Variants in GABRA4 observed in about 807,000 individuals in gnomAD.
GABRA4 encodes gamma-aminobutyric acid type A receptor subunit alpha4.
Under a neutral mutation model 49.7 loss-of-function variants are expected in GABRA4, and 12 were observed. The ratio of observed to expected loss-of-function variants is 0.24; its 90% CI spans 0.15 to 0.39. The LOEUF is 0.39. GABRA4 is among the 10% of genes least tolerant of loss of function. GABRA4 has a pLI of 1.00. For synonymous variants in GABRA4, 288 were observed against 240.2 expected, an observed-to-expected ratio of 1.20 and a Z score of -1.84; for missense variants, 506 against 686.0, an observed-to-expected ratio of 0.74 and a Z score of 2.93.
chr4:46,970,849 C>A (rs1210905672), intron 7 of GABRA4, among the ~76,000 whole-genome samples: 1 of 151,502 alleles, frequency 6.6e-6, no homozygotes, highest in Non-Finnish European at 1.5e-5. Flanking sequence ...TTGGTCTATG[C>A]CTGTCTGGTT....
chr4:46,985,316 A>G (rs1214560439), intron 2 of GABRA4, among the ~76,000 whole-genome samples: 1 of 152,050 alleles, frequency 6.6e-6, no homozygotes, highest in Admixed American at 6.6e-5. Flanking sequence ...ACAGGAAGAT[A>G]GGATGGAGGA....
At chr4:46,956,714 C>T (rs909383759) in intron 8 of GABRA4, among the ~76,000 whole-genome samples, 3 of 151,954 alleles carry the variant, frequency 2.0e-5, no homozygotes, top group Admixed American at 1.3e-4. Flanking sequence ...GCCTTATGCT[C>T]ACATTTATTT....
chr4:46,992,366 G>A (rs974117417), intron 2 of GABRA4, among the ~76,000 whole-genome samples: 7 of 152,220 alleles, frequency 4.6e-5, no homozygotes, highest in African/African-American at 1.7e-4. Flanking sequence ...GCAGCTTCAT[G>A]CCCCAGATTT....
At chr4:46,934,934 C>T (rs1018490665) in intron 8 of GABRA4, among the ~76,000 whole-genome samples, 5 of 152,106 alleles carry the variant, frequency 3.3e-5, no homozygotes, top group African/African-American at 4.8e-5. Context: ...TCATCAATGC[C>T]GCCAACATAA....
chr4:46,933,077 GA>G (rs966321408), intron 8 of GABRA4, among the ~76,000 whole-genome samples: 11 of 152,052 alleles, frequency 7.2e-5, no homozygotes, highest in African/African-American at 2.4e-4. Context: ...TGAAGTAAGA[GA>G]CTTTTTGAGA....
intron 7 of GABRA4, among the ~76,000 whole-genome samples, chr4:46,966,901 C>A (rs1458262929): frequency 1.3e-5 from 2 of 151,658 alleles, no homozygotes; most frequent in Non-Finnish European, 3.0e-5. Context: ...ATATAAATAT[C>A]TGCATATCTA....
chr4:46,940,863 G>A (rs116897223), intron 8 of GABRA4, among the ~76,000 whole-genome samples: 1 of 152,168 alleles, frequency 6.6e-6, no homozygotes, highest in East Asian at 1.9e-4. Context: ...AACATTCAAC[G>A]TTTAACAAGG....
chr4:46,941,157 C>G (rs1721773488), intron 8 of GABRA4, among the ~76,000 whole-genome samples: 1 of 151,502 alleles, frequency 6.6e-6, no homozygotes, highest in Non-Finnish European at 1.5e-5. Flanking sequence ...ACTAGAAGAC[C>G]CAAATATCTA....
intron 8 of GABRA4, among the ~76,000 whole-genome samples, chr4:46,952,929 T>C (rs1455146533): frequency 6.6e-6 from 1 of 152,116 alleles, no homozygotes; most frequent in Non-Finnish European, 1.5e-5. Flanking sequence ...TTTTCATATA[T>C]TGCTATCACC....
In GABRA4 at chr4:46,925,102, T is replaced by C. The variant is rs973484057; in HGVS notation, c.*3123A>G. 3 of 151,958 alleles carry C rather than the reference T, an allele frequency of 2.0e-5. No homozygotes were observed. The highest frequency in any genetic ancestry group is 7.2e-5 in the African/African-American group (3 of 41,422). The allele number at this position is 151,958 out of a possible 1,614,324, so 9.4% of individuals were successfully genotyped here. A position where few individuals can be genotyped will look rare whatever the true frequency, so the allele number is the denominator to read the frequency against. ...TAAAATAAGCCACAAATAAATTGTT[T>C]ATGCTTTGTTTGAAAAGGGGTCACT... On this transcript the variant is annotated 3_prime_UTR_variant, in exon 9 of 9. Coordinates refer to ENST00000264318, the MANE Select transcript of GABRA4 (RefSeq NM_000809.4).
chr4:46,968,989 T>C (rs555050360), intron 7 of GABRA4, among the ~76,000 whole-genome samples: 1 of 151,784 alleles, frequency 6.6e-6, no homozygotes, highest in South Asian at 2.1e-4. Context: ...TTACTATGTG[T>C]GAGGCATTAT....
chr4:46,955,680 T>G (rs7665758), intron 8 of GABRA4, among the ~76,000 whole-genome samples: 78,553 of 151,788 alleles, frequency 0.52, 20,581 homozygotes, highest in East Asian at 0.66. Flanking sequence ...TTGATAGGTA[T>G]TTCATAAATA....
rs990999548 is a variant in GABRA4 at position 46,977,830 on chromosome 4, C to A, written c.274-200G>T. 3.9e-5 allele frequency among the ~76,000 whole-genome samples: 6 copies of A among 152,080 alleles called. No individual in the cohort carries two copies. In the South Asian group the frequency reaches 6.2e-4, roughly 16 times the overall value. ...AGAATAACTTTTATCCATCTTGATA[C>A]CTTCATCTTCTACATTCATAAGATA... is the stretch of plus-strand genomic sequence containing the variant. On this transcript the variant is annotated intron_variant, in intron 3 of 8. Coordinates refer to ENST00000264318, the MANE Select transcript of GABRA4 (RefSeq NM_000809.4).
intron 8 of GABRA4, among the ~76,000 whole-genome samples, chr4:46,939,887 T>C (rs1001224130): frequency 2.6e-5 from 4 of 152,062 alleles, no homozygotes; most frequent in Non-Finnish European, 5.9e-5. Context: ...TCTACTTTGA[T>C]GCTTGACTGT....
At chr4:46,942,507 C>A (rs1487295936) in intron 8 of GABRA4, among the ~76,000 whole-genome samples, 1 of 151,924 alleles carries the variant, frequency 6.6e-6, no homozygotes, top group African/African-American at 2.4e-5. Context: ...CACCTGTAAT[C>A]CCAGCTACTT....
chr4:46,945,846 C>T (rs979196110), intron 8 of GABRA4, among the ~76,000 whole-genome samples: 2 of 152,096 alleles, frequency 1.3e-5, no homozygotes, highest in Admixed American at 6.6e-5. Context: ...CTAGCAATCT[C>T]CCTCAAAATC....
chr4:46,952,525 A>G (rs1236817999), intron 8 of GABRA4, among the ~76,000 whole-genome samples: 4 of 152,148 alleles, frequency 2.6e-5, no homozygotes, highest in Non-Finnish European at 4.4e-5. Flanking sequence ...AAAATAAGTC[A>G]TACCCAAACT....
intron 8 of GABRA4, among the ~76,000 whole-genome samples, chr4:46,960,625 C>G (rs553410257): frequency 1.3e-5 from 2 of 151,462 alleles, no homozygotes; most frequent in South Asian, 4.2e-4. Context: ...CCAAATAATT[C>G]TTAGTTCACA....
At chr4:46,946,618 A>C (rs930050064) in intron 8 of GABRA4, among the ~76,000 whole-genome samples, 7 of 152,174 alleles carry the variant, frequency 4.6e-5, no homozygotes, top group African/African-American at 1.7e-4. Flanking sequence ...ATGCCACAAC[A>C]TTCTGCGAAT....
Sources: gnomAD v4.1 joint callset for allele counts (sites outside exome capture counted in the v4.1 genomes callset) on GRCh38, gnomAD v4.1.1 for gene constraint, MANE v1.5 for transcripts, NCBI Gene and HGNC (gene_info 2026-07-23, HGNC 2026-07-21) for gene names.